Variants in USP34 observed in about 807,000 individuals in gnomAD.
USP34 encodes the protein ubiquitin specific peptidase 34.
Under a neutral mutation model 460.3 loss-of-function variants are expected in USP34, and 70 were observed. The observed-to-expected ratio is 0.15, with a 90% CI of 0.13 to 0.19. The LOEUF is 0.19. Among genes scored for constraint, USP34 ranks in the 10% least tolerant of loss-of-function variants. The pLI is 1.00. For missense variants in USP34, 3,985 were observed against 4,236.2 expected (o/e 0.94, Z 1.65); for synonymous variants, 1,647 against 1,405.3 (o/e 1.17, Z -3.85).
At chr2:61,335,821 T>G (rs748832856) in intron 18 of USP34, among the ~76,000 whole-genome samples, 7 of 152,182 alleles carry the variant, frequency 4.6e-5, no homozygotes, top group Non-Finnish European at 1.0e-4. Context: ...CCTATTATAC[T>G]GAATTGCACT....
intron 1 of USP34, among the ~76,000 whole-genome samples, chr2:61,437,121 G>A (rs1449336682): frequency 6.6e-6 from 1 of 152,078 alleles, no homozygotes; most frequent in Admixed American, 6.6e-5. Context: ...AACCAATGAT[G>A]CATCTCAAGG....
At chr2:61,467,678 G>A (rs1483314976) in intron 1 of USP34, among the ~76,000 whole-genome samples, 1 of 142,202 alleles carries the variant, frequency 7.0e-6, no homozygotes, top group Non-Finnish European at 1.5e-5. Context: ...GGAGTGCAGT[G>A]GCATGATCTC....
intron 48 of USP34, among the ~76,000 whole-genome samples, chr2:61,250,062 A>T (rs1485390571): frequency 6.6e-6 from 1 of 152,200 alleles, no homozygotes. Context: ...ATTCTGGCCA[A>T]CATGGCAAAA....
intron 33 of USP34, among the ~76,000 whole-genome samples, chr2:61,291,550 A>G (rs1396977367): frequency 6.6e-6 from 1 of 152,216 alleles, no homozygotes; most frequent in Non-Finnish European, 1.5e-5. Context: ...GTGACTGAAC[A>G]AACATTTCAC....
At chr2:61,385,616 G>T (rs1341306198) in intron 5 of USP34, among the ~76,000 whole-genome samples, 1 of 131,632 alleles carries the variant, frequency 7.6e-6, no homozygotes, top group Non-Finnish European at 1.5e-5. Flanking sequence ...AGCTTGCAGT[G>T]AGCCAAGATC....
chr2:61,344,319 T>A (rs1691694959), intron 15 of USP34, among the ~76,000 whole-genome samples: 1 of 152,224 alleles, frequency 6.6e-6, no homozygotes, highest in Admixed American at 6.5e-5. Context: ...TGTTTACATA[T>A]TATTTTATAC....
At chr2:61,322,543 G>A (rs1368135814) in intron 21 of USP34, among the ~76,000 whole-genome samples, 1 of 152,222 alleles carries the variant, frequency 6.6e-6, no homozygotes, top group Non-Finnish European at 1.5e-5. Context: ...CATTTTAAGA[G>A]GTTCCAAACC....
At chr2:61,243,910 T>G (rs1156511949) in intron 51 of USP34, among the ~76,000 whole-genome samples, 1 of 151,358 alleles carries the variant, frequency 6.6e-6, no homozygotes, top group Non-Finnish European at 1.5e-5. Context: ...CATCTACAGA[T>G]GCAATTGGTT....
Position 61,248,506 on chromosome 2 carries a change from A to G in USP34, c.6394+5T>C. The G allele has an allele frequency of 1.3e-6, 2 of 1,547,294 alleles. No homozygotes were observed. Among genetic ancestry groups the G allele is most frequent in the Non-Finnish European group, 1.8e-6 (2 of 1,142,320 alleles). ...ACAGACAAGAGAAAGAAATGAAAAA[A>G]TCACCTTCTTTCCTCTCACTCTTTC... On this transcript the variant is annotated splice_donor_5th_base_variant and intron_variant, in intron 49 of 79. Coordinates refer to ENST00000398571, the MANE Select transcript of USP34 (RefSeq NM_014709.4).
At chr2:61,408,840 C>G (rs558769972) in intron 2 of USP34, among the ~76,000 whole-genome samples, 24 of 151,950 alleles carry the variant, frequency 1.6e-4, no homozygotes, top group African/African-American at 5.8e-4. Context: ...TTGCAGTGAG[C>G]CGAGATCACG....
chr2:61,391,283 C>G (rs1693337722), intron 5 of USP34, among the ~76,000 whole-genome samples: 1 of 151,872 alleles, frequency 6.6e-6, no homozygotes, highest in South Asian at 2.1e-4. Context: ...CTACCTCTAC[C>G]AGAAACACAA....
chr2:61,207,661 C>G (rs1440770145), intron 70 of USP34: 1 of 152,124 alleles, frequency 6.6e-6, no homozygotes, highest in African/African-American at 2.4e-5. Flanking sequence ...ATTTAAACAT[C>G]TGTTGCATTA....
chr2:61,363,334 G>A (rs1482157162), intron 10 of USP34, among the ~76,000 whole-genome samples: 1 of 152,194 alleles, frequency 6.6e-6, no homozygotes, highest in Non-Finnish European at 1.5e-5. Flanking sequence ...GAATTACCAT[G>A]TGATCCAGAC....
intron 51 of USP34, among the ~76,000 whole-genome samples, chr2:61,244,040 C>CA (rs1264753712): frequency 2.0e-5 from 3 of 151,804 alleles, no homozygotes; most frequent in African/African-American, 7.3e-5. Flanking sequence ...CACCGAGAAG[C>CA]AATAAGGAAG....
At position 61,203,182 on chromosome 2, in the gene USP34, C is replaced by T; in HGVS notation, c.9466G>A (p.Ala3156Thr). The part of the protein sequence containing the change: ...HQFIHLLCRV[A>T]INCEKFTETL... ...TCAGTAAATTTTTCACAGTTGATTGCAACTCGGCATAATAGATGGATGAAC... is the reference window on the plus strand; with the variant it reads ...TCAGTAAATTTTTCACAGTTGATTGTAACTCGGCATAATAGATGGATGAAC... Residue 3156 changes from alanine (A) to threonine (T), a missense_variant, in exon 75 of 80, where the codon GCA (alanine) becomes ACA (threonine). By Grantham distance (58) the Ala-to-Thr change is moderately conservative (BLOSUM62 0). Around this residue, in one of 14 missense-constraint regions of USP34, gnomAD observed 28 missense variants for 36.8 expected, o/e 0.76. Transcript: ENST00000398571. 6.3e-7 allele frequency: 1 copy of T among 1,599,424 alleles called. No individual in the cohort carries two copies. Among genetic ancestry groups the T allele is most frequent in the Non-Finnish European group, 8.5e-7 (1 of 1,173,028 alleles).
intron 33 of USP34, among the ~76,000 whole-genome samples, chr2:61,292,069 G>C (rs72813516): frequency 6.6e-6 from 1 of 151,992 alleles, no homozygotes; most frequent in African/African-American, 2.4e-5. Context: ...AAGCGTTTAG[G>C]GGGAGGTTTC....
rs1480563432 is a variant in USP34, at chr2:61,464,127, T to C, written c.43+6523A>G. The stretch of plus-strand genomic sequence containing the variant: ...TGACATCATTAGTTCAAGACCAGTG[T>C]GGCCAAACTGGTGAAAATTAGTCTC... On this transcript the variant is annotated intron_variant, in intron 1 of 79. Coordinates refer to ENST00000398571, the MANE Select transcript of USP34 (RefSeq NM_014709.4). 2.6e-5 allele frequency among the ~76,000 whole-genome samples: 4 copies of C among 152,186 alleles called. No individual in the cohort carries two copies. The East Asian group carries it at 7.7e-4, about 29-fold the overall frequency.
Position 61,453,019 on chromosome 2 carries a change from C to G in USP34, c.43+17631G>C, listed in dbSNP as rs1573058843. On this transcript the variant is annotated intron_variant, in intron 1 of 79. Transcript: ENST00000398571. ...ATACAGATTCTTAAAAATAGAATAT[C>G]TAATATTTTTAAAAAAAAAGGCACT... Among the ~76,000 whole-genome samples the G allele has an allele frequency of 3.3e-5, 5 of 151,522 alleles. No individual in the cohort carries two copies. In the South Asian group the frequency reaches 1.0e-3, roughly 32 times the overall value.
rs752391398 is a variant in USP34 at position 61,293,512 on chromosome 2, A to C, written c.4500T>G (p.Ile1500Met). 2 of 1,613,036 alleles carry C rather than the reference A, an allele frequency of 1.2e-6. No individual in the cohort carries two copies. Among genetic ancestry groups the C allele is most frequent in the South Asian group, 1.1e-5 (1 of 90,982 alleles). ...TAGGCTCTAGAATTCCAGAATTAAA[A>C]ATTTCTAATAACTGTTGAAGCCCTC... is the stretch of plus-strand genomic sequence containing the variant. ...AAGGLQQLLE[I>M]FNSGILEPKE... The change falls in exon 33 of 80, where the codon ATT becomes ATG. Residue 1500 changes from isoleucine to methionine, a missense_variant. Coordinates refer to ENST00000398571, the MANE Select transcript of USP34 (RefSeq NM_014709.4).
Sources: gnomAD v4.1 joint callset for allele counts (sites outside exome capture counted in the v4.1 genomes callset) on GRCh38, gnomAD v4.1.1 for gene constraint, gnomAD v4.1.1 regional missense constraint, MANE v1.5 for transcripts, NCBI Gene and HGNC (gene_info 2026-07-23, HGNC 2026-07-21) for gene names.